KHDRBS3: variants seen among roughly 807,000 people sequenced by gnomAD.
KHDRBS3 encodes the protein KH domain-containing, RNA-binding, signal transduction-associated protein 3.
KHDRBS3 carries 23 observed loss-of-function variants against 45.6 expected under a neutral mutation model. The ratio of observed to expected loss-of-function variants is 0.50; its 90% CI spans 0.36 to 0.72. The LOEUF (loss-of-function observed/expected upper bound fraction) is 0.72. KHDRBS3 is among the 30% of genes least tolerant of loss of function. KHDRBS3 has a pLI of 0.00. For synonymous variants in KHDRBS3, 162 were observed against 156.5 expected (o/e 1.04, Z -0.26); for missense variants, 352 against 424.8 (o/e 0.83, Z 1.51).
At chr8:135,564,577 A>G (rs1318519594) in intron 5 of KHDRBS3, among the ~76,000 whole-genome samples, 1 of 152,140 alleles carries the variant, frequency 6.6e-6, no homozygotes, top group Non-Finnish European at 1.5e-5. Flanking sequence ...GTGAACTGAG[A>G]AATTTGGGGA....
chr8:135,619,042 AC>A (rs1830032721), intron 7 of KHDRBS3, among the ~76,000 whole-genome samples: 1 of 152,172 alleles, frequency 6.6e-6, no homozygotes, highest in Non-Finnish European at 1.5e-5. Context: ...CACAAACCTA[AC>A]TTGGAGCACA....
intron 1 of KHDRBS3, among the ~76,000 whole-genome samples, chr8:135,495,205 G>A (rs973606674): frequency 6.6e-6 from 1 of 152,148 alleles, no homozygotes; most frequent in Non-Finnish European, 1.5e-5. Flanking sequence ...CCACTTCTGT[G>A]TTCTGCCAAA....
At chr8:135,579,802 T>C (rs1828118712) in intron 5 of KHDRBS3, among the ~76,000 whole-genome samples, 1 of 152,264 alleles carries the variant, frequency 6.6e-6, no homozygotes, top group Non-Finnish European at 1.5e-5. Context: ...ATCAACCTTA[T>C]GTACCTGGAA....
At chr8:135,527,032 C>T (rs56052603) in intron 2 of KHDRBS3, among the ~76,000 whole-genome samples, 1,818 of 151,806 alleles carry the variant, frequency 0.012, 30 homozygotes, top group African/African-American at 0.042. Flanking sequence ...GAACAAGGTA[C>T]CCTGTCTTTG....
At chr8:135,527,610 A>G (rs547397539) in intron 2 of KHDRBS3, among the ~76,000 whole-genome samples, 1 of 152,256 alleles carries the variant, frequency 6.6e-6, no homozygotes, top group Admixed American at 6.5e-5. Flanking sequence ...ATGGCAAACT[A>G]TTTCAGGAGA....
chr8:135,574,303 C>CT (rs1300458876), intron 5 of KHDRBS3, among the ~76,000 whole-genome samples: 2 of 152,030 alleles, frequency 1.3e-5, no homozygotes, highest in African/African-American at 4.8e-5. Flanking sequence ...GCTATTGCTG[C>CT]TTAATACCAC....
intron 7 of KHDRBS3, chr8:135,625,995 C>T (rs1830341981): frequency 4.1e-6 from 3 of 722,924 alleles, no homozygotes; most frequent in East Asian, 2.5e-5. Flanking sequence ...CGGCTCTTGG[C>T]GGAACCGTGT....
chr8:135,478,046 G>A (rs1443833865), intron 1 of KHDRBS3, among the ~76,000 whole-genome samples: 1 of 151,860 alleles, frequency 6.6e-6, no homozygotes, highest in African/African-American at 2.4e-5. Context: ...AACTGCACAT[G>A]TGAGGGATCT....
At chr8:135,484,089 G>A (rs891142107) in intron 1 of KHDRBS3, among the ~76,000 whole-genome samples, 1 of 152,046 alleles carries the variant, frequency 6.6e-6, no homozygotes, top group Non-Finnish European at 1.5e-5. Context: ...GTAAATTAGA[G>A]GTAAAATGTG....
intron 1 of KHDRBS3, among the ~76,000 whole-genome samples, chr8:135,460,019 A>T (rs1348954877): frequency 6.6e-6 from 1 of 152,246 alleles, no homozygotes; most frequent in Admixed American, 6.5e-5. Flanking sequence ...CTCTTAAATC[A>T]CAGGCTGATA....
At chr8:135,509,769 A>C in intron 1 of KHDRBS3, among the ~76,000 whole-genome samples, 1 of 152,282 alleles carries the variant, frequency 6.6e-6, no homozygotes, top group East Asian at 1.9e-4. Context: ...AATTAATGTG[A>C]CAAATGCTAC....
chr8:135,566,231 T>C (rs1219664550), intron 5 of KHDRBS3, among the ~76,000 whole-genome samples: 1 of 152,214 alleles, frequency 6.6e-6, no homozygotes, highest in East Asian at 1.9e-4. Context: ...CTCTCCTCGG[T>C]TTCCTCTGTA....
chr8:135,643,361 A>G (rs1255319477), intron 7 of KHDRBS3, among the ~76,000 whole-genome samples: 2 of 152,080 alleles, frequency 1.3e-5, no homozygotes, highest in African/African-American at 2.4e-5. Context: ...CCCACTTAAC[A>G]TATGTAACGT....
intron 5 of KHDRBS3, among the ~76,000 whole-genome samples, chr8:135,572,692 C>T (rs74833395): frequency 0.012 from 1,783 of 152,334 alleles, 15 homozygotes; most frequent in Non-Finnish European, 0.019. Context: ...TGCGCATGAA[C>T]GCATGAGATG....
At position 135,488,429 on chromosome 8, in the gene KHDRBS3, A is replaced by G. The variant is rs547641219; in HGVS notation, c.88+30475A>G. Among the ~76,000 whole-genome samples, 8 of 152,318 alleles carry G rather than the reference A, an allele frequency of 5.3e-5. No homozygotes were observed. The East Asian group carries it at 1.4e-3, about 26-fold the overall frequency. ...CTGTCTTATTGTGAATAGATACTGCAGCCTGGAGAGACAAAAAGTTTGCAG... is the reference window on the plus strand; with the variant it reads ...CTGTCTTATTGTGAATAGATACTGCGGCCTGGAGAGACAAAAAGTTTGCAG... On this transcript the variant is annotated intron_variant, in intron 1 of 8. Coordinates refer to ENST00000355849, the MANE Select transcript of KHDRBS3 (RefSeq NM_006558.3).
chr8:135,542,609 C>A (rs371507394), intron 2 of KHDRBS3, 45 bp from the exon 3 acceptor site: 2 of 1,232,006 alleles, frequency 1.6e-6, no homozygotes, highest in Non-Finnish European at 2.4e-6. Context: ...TAAGAAATTG[C>A]TTTCACATAT....
At chr8:135,524,520 A>G (rs946527313) in intron 2 of KHDRBS3, among the ~76,000 whole-genome samples, 3 of 152,224 alleles carry the variant, frequency 2.0e-5, no homozygotes, top group Admixed American at 2.0e-4. Flanking sequence ...GACACTAGAC[A>G]GATTTCCTAT....
chr8:135,605,873 G>GT (rs1829436735), intron 6 of KHDRBS3, among the ~76,000 whole-genome samples: 1 of 152,000 alleles, frequency 6.6e-6, no homozygotes, highest in Non-Finnish European at 1.5e-5. Context: ...TTTTTCTTGT[G>GT]TAGGGACATA....
At position 135,582,058 on chromosome 8, in the gene KHDRBS3, G is replaced by T. The variant is rs1367639373; in HGVS notation, c.792G>T (p.Glu264Asp). The T allele has an allele frequency of 1.9e-6, 3 of 1,560,734 alleles. No homozygotes were observed. The South Asian group carries it at 3.6e-5, about 19-fold the overall frequency. Residue 264 changes from glutamate (E) to aspartate (D), a missense_variant, in exon 6 of 9, where the codon GAG becomes GAT. Transcript: ENST00000355849. ...YRPPPPPPTQ[E>D]TYGEYDYDDG... ...CTCCACCGCCACCCCCGACACAAGA[G>T]ACTTATGGAGAATATGTAAGTGAAG...
Sources: gnomAD v4.1 joint callset for allele counts (sites outside exome capture counted in the v4.1 genomes callset) on GRCh38, gnomAD v4.1.1 for gene constraint, MANE v1.5 for transcripts, NCBI Gene and HGNC (gene_info 2026-07-23, HGNC 2026-07-21) for gene names.